MYO1D: variants seen among roughly 807,000 people sequenced by gnomAD.
MYO1D encodes the protein myosin ID.
Under a neutral mutation model 122.0 loss-of-function variants are expected in MYO1D, and 83 were observed. That is an observed-to-expected ratio of 0.68 (90% CI 0.57 to 0.82). The LOEUF is 0.82. MYO1D is among the 40% of genes least tolerant of loss of function. MYO1D has a pLI of 0.00. For missense variants in MYO1D, 1,157 were observed against 1,269.5 expected (o/e 0.91, Z 1.35); for synonymous variants, 464 against 446.9 (o/e 1.04, Z -0.48).
At chr17:32,516,797 G>C (rs1434579421) in intron 21 of MYO1D, among the ~76,000 whole-genome samples, 4 of 152,224 alleles carry the variant, frequency 2.6e-5, no homozygotes, top group Non-Finnish European at 5.9e-5. Context: ...ACCTGGGAGA[G>C]AGAGAGCAGA....
At position 32,876,837 on chromosome 17, in the gene MYO1D, T is replaced by G. The variant is rs1406418331; in HGVS notation, c.36A>C (p.Ala12=). ...AEQESLEFGK[A]DFVLMDTVSM... ...AGACGGTGTCCATCAGCACGAAGTC[T>G]GCCTTGCCGAATTCCAGGCTCTCCT... The change falls in exon 1 of 22, where the codon GCA becomes GCC. Residue 12 remains alanine (A), a synonymous_variant. Coordinates refer to ENST00000318217, the MANE Select transcript of MYO1D (RefSeq NM_015194.3). 4.6e-6 allele frequency: 7 copies of G among 1,520,224 alleles called. No individual in the cohort carries two copies. The highest frequency in any genetic ancestry group is 1.4e-5 in the African/African-American group (1 of 69,138). 94.2% of individuals were successfully genotyped at this position (1,520,224 alleles called of 1,614,324 possible). A position where few individuals can be genotyped will look rare whatever the true frequency, so the allele number is the denominator to read the frequency against.
intron 16 of MYO1D, among the ~76,000 whole-genome samples, chr17:32,711,761 C>T (rs1356522492): frequency 6.6e-6 from 1 of 152,118 alleles, no homozygotes; most frequent in Non-Finnish European, 1.5e-5. Context: ...AAAATATCTT[C>T]AGAGTTTTGA....
intron 16 of MYO1D, among the ~76,000 whole-genome samples, chr17:32,677,197 C>G (rs2088824234): frequency 6.6e-6 from 1 of 152,098 alleles, no homozygotes; most frequent in South Asian, 2.1e-4. Flanking sequence ...AAGGCCTTCC[C>G]TACTTTAAAA....
chr17:32,736,693 A>G (rs2089705167), intron 14 of MYO1D, among the ~76,000 whole-genome samples: 1 of 152,248 alleles, frequency 6.6e-6, no homozygotes, highest in Non-Finnish European at 1.5e-5. Flanking sequence ...ATTAACTACC[A>G]AGTTTAGAAA....
At chr17:32,513,140 G>C (rs191769604) in intron 21 of MYO1D, among the ~76,000 whole-genome samples, 1 of 152,126 alleles carries the variant, frequency 6.6e-6, no homozygotes, top group Non-Finnish European at 1.5e-5. Flanking sequence ...CCTAAAAGAG[G>C]GTGTGGTATA....
intron 19 of MYO1D, among the ~76,000 whole-genome samples, chr17:32,643,556 G>A (rs2088236947): frequency 6.6e-6 from 1 of 152,090 alleles, no homozygotes; most frequent in Non-Finnish European, 1.5e-5. Flanking sequence ...TCTGGTCTTG[G>A]ACTTTTTTTG....
At position 32,772,834 on chromosome 17, in the gene MYO1D, C is replaced by G. The variant is rs750222141; in HGVS notation, c.573G>C (p.Val191=). 3 of 1,613,418 alleles carry G rather than the reference C, an allele frequency of 1.9e-6. No individual in the cohort carries two copies. The highest frequency in any genetic ancestry group is 1.7e-5 in the Admixed American group (1 of 59,996). The change falls in exon 5 of 22, where the codon GTG becomes GTC. Residue 191 remains valine (V), a synonymous_variant. Transcript: ENST00000318217. The part of the protein sequence containing the change: ...INNYLLEKSR[V]IVQQPGERSF... Reference sequence around the variant, plus strand: ...TTCTTTCTCCTGGCTGTTGCACAATCACTCGAGACTAAGAAAAAACACATT... The same window carrying G: ...TTCTTTCTCCTGGCTGTTGCACAATGACTCGAGACTAAGAAAAAACACATT...
Position 32,515,290 on chromosome 17 carries a change from G to A in MYO1D, c.2865-20375C>T, listed in dbSNP as rs572719898. Among the ~76,000 whole-genome samples the A allele has an allele frequency of 8.5e-5, 13 of 152,276 alleles. No individual in the cohort carries two copies. In the South Asian group the frequency reaches 2.7e-3, roughly 32 times the overall value. Reference sequence around the variant, plus strand: ...CGATTCCAGAAGGACTTTTTAACTTGTTATTCAGTATTTTTAAATTCCCTC... The same window carrying A: ...CGATTCCAGAAGGACTTTTTAACTTATTATTCAGTATTTTTAAATTCCCTC... On this transcript the variant is annotated intron_variant, in intron 21 of 21. Transcript: ENST00000318217.
chr17:32,808,374 A>C (rs905781188), intron 1 of MYO1D, among the ~76,000 whole-genome samples: 5 of 151,958 alleles, frequency 3.3e-5, no homozygotes, highest in South Asian at 2.1e-4. Context: ...CTCTTTAAAA[A>C]AAAAAAAAAA....
chr17:32,731,189 G>A (rs769828792), intron 14 of MYO1D, among the ~76,000 whole-genome samples: 2 of 152,168 alleles, frequency 1.3e-5, no homozygotes, highest in African/African-American at 2.4e-5. Context: ...TTACAGGCAT[G>A]AGCCACCAGC....
intron 14 of MYO1D, among the ~76,000 whole-genome samples, chr17:32,737,713 G>A (rs1039446914): frequency 3.9e-5 from 6 of 152,116 alleles, no homozygotes; most frequent in African/African-American, 7.2e-5. Flanking sequence ...TGATCCTCCC[G>A]CCTTGGCCTC....
intron 17 of MYO1D, among the ~76,000 whole-genome samples, chr17:32,655,994 T>C (rs1196172462): frequency 6.6e-6 from 1 of 152,094 alleles, no homozygotes; most frequent in Non-Finnish European, 1.5e-5. Flanking sequence ...TAAGGATGAC[T>C]CCAAAATTTT....
chr17:32,691,694 C>T (rs1036529790), intron 16 of MYO1D, among the ~76,000 whole-genome samples: 2 of 152,086 alleles, frequency 1.3e-5, no homozygotes, highest in African/African-American at 2.4e-5. Context: ...GTGTGAGCCA[C>T]CATGCCTGGC....
chr17:32,618,162 C>T (rs2087801346), intron 20 of MYO1D, among the ~76,000 whole-genome samples: 1 of 152,200 alleles, frequency 6.6e-6, no homozygotes, highest in African/African-American at 2.4e-5. Context: ...TTCTACAAAA[C>T]ATGAGCTTTG....
At chr17:32,746,874 T>C (rs2089843569) in intron 12 of MYO1D, among the ~76,000 whole-genome samples, 1 of 152,208 alleles carries the variant, frequency 6.6e-6, no homozygotes, top group Admixed American at 6.5e-5. Context: ...CGTAAGAACT[T>C]TACTCATTCT....
intron 21 of MYO1D, among the ~76,000 whole-genome samples, chr17:32,556,809 C>A (rs1021213585): frequency 6.6e-6 from 1 of 152,098 alleles, no homozygotes; most frequent in Non-Finnish European, 1.5e-5. Context: ...TAAATGAAGA[C>A]AAAATAGGAA....
At chr17:32,595,923 G>A (rs1318482250) in intron 21 of MYO1D, among the ~76,000 whole-genome samples, 3 of 152,144 alleles carry the variant, frequency 2.0e-5, no homozygotes, top group Non-Finnish European at 4.4e-5. Context: ...GGAAGACCTG[G>A]TGAGACGATA....
At chr17:32,523,154 C>A (rs1010606587) in intron 21 of MYO1D, among the ~76,000 whole-genome samples, 2 of 152,190 alleles carry the variant, frequency 1.3e-5, no homozygotes, top group Non-Finnish European at 1.5e-5. Context: ...AACGCCACTG[C>A]CTTTGCCTGC....
chr17:32,773,598 G>C lies in MYO1D; in HGVS notation c.565-756C>G, dbSNP rs373660413. On this transcript the variant is annotated intron_variant, in intron 4 of 21. Coordinates refer to ENST00000318217, the MANE Select transcript of MYO1D (RefSeq NM_015194.3). ...TCTCTGGGCTTGCCTCCTCCACTAT[G>C]GTCAACCTTCCACCCTCCATTCCTC... Among the ~76,000 whole-genome samples the C allele has an allele frequency of 2.1e-3, 286 of 138,550 alleles. 2 individuals are homozygous for C. Among genetic ancestry groups the C allele is most frequent in the African/African-American group, 7.4e-3 (273 of 36,934 alleles). The allele number at this position is 138,550 out of a possible 152,430, so 90.9% of individuals were successfully genotyped here.
Sources: allele counts gnomAD v4.1 joint callset (sites outside exome capture counted in the v4.1 genomes callset), GRCh38; gene constraint gnomAD v4.1.1; transcripts MANE v1.5; gene names NCBI Gene and HGNC (gene_info 2026-07-23, HGNC 2026-07-21).